The following EP400 variants were observed in gnomAD, a reference collection of about 807,000 sequenced individuals.
EP400 encodes the protein E1A binding protein p400, also known as E1A-binding protein p400.
In EP400, 105 loss-of-function variants were observed where a neutral mutation model predicts 354.1. The ratio of observed to expected loss-of-function variants is 0.30; its 90% CI spans 0.25 to 0.35. The LOEUF is 0.35. EP400 is among the 10% of genes least tolerant of loss of function. EP400 has a pLI of 1.00. For synonymous variants in EP400, 1,646 were observed against 1,716.9 expected, an observed-to-expected ratio of 0.96 and a Z score of 1.02; for missense variants, 3,280 against 4,121.0, an observed-to-expected ratio of 0.80 and a Z score of 5.59.
rs986497163 is a variant in EP400 at position 132,025,475 on chromosome 12, C to T, written c.4856-171C>T. Among the ~76,000 whole-genome samples, 2 of 152,176 alleles carry T rather than the reference C, an allele frequency of 1.3e-5. No individual in the cohort carries two copies. Among genetic ancestry groups the T allele is most frequent in the Admixed American group, 1.3e-4 (2 of 15,278 alleles). On this transcript the variant is annotated intron_variant, in intron 24 of 52. Transcript: ENST00000389561. This position sits in a 1 kb window ranked among gnomAD's most constrained non-coding sequence, Gnocchi z 4.1. ...CTCTTAGTGTGTCGTCATCCACTGT[C>T]GGTGATGGGTTGCCACTTTCCTCAC...
chr12:132,028,722 C>T (rs149665035), intron 27 of EP400, among the ~76,000 whole-genome samples: 3 of 152,316 alleles, frequency 2.0e-5, no homozygotes, highest in African/African-American at 7.2e-5. Context: ...CCGGTGGGCA[C>T]GGTGGGCACC....
chr12:131,953,788 A>G (rs1158285156), intron 1 of EP400, among the ~76,000 whole-genome samples: 1 of 152,186 alleles, frequency 6.6e-6, no homozygotes, highest in Non-Finnish European at 1.5e-5. Context: ...ATTTATTATG[A>G]AAAATTTCAA....
rs199678738 is a variant in EP400, at chr12:132,029,815, C to T, written c.5496C>T (p.His1832=). ...MRILRQGLRE[H]AAPYFQQLRQ... ...TCTTGAGGCAGGGCCTGAGAGAGCA[C>T]GCTGCGCCGTACTTCCAGCAGCTGC... The change falls in exon 28 of 53, where the codon CAC becomes CAT. Residue 1832 remains histidine (H), a synonymous_variant. Transcript: ENST00000389561. This position sits in a 1 kb window ranked among gnomAD's most constrained non-coding sequence, Gnocchi z 4.7. 8.8e-5 allele frequency: 142 copies of T among 1,613,502 alleles called. No individual in the cohort carries two copies. Among genetic ancestry groups the T allele is most frequent in the African/African-American group, 3.2e-4 (24 of 75,070 alleles).
chr12:131,999,568 A>G (rs921427738), intron 12 of EP400, among the ~76,000 whole-genome samples: 3 of 152,060 alleles, frequency 2.0e-5, no homozygotes, highest in Non-Finnish European at 4.4e-5. Flanking sequence ...CCTCCTGAGT[A>G]GCTGGGATTA....
Position 131,990,596 on chromosome 12 carries a change from C to G in EP400, c.2551-40C>G, listed in dbSNP as rs777368516. 4.1e-6 allele frequency: 6 copies of G among 1,445,914 alleles called. No homozygotes were observed. The South Asian group carries it at 7.1e-5, about 17-fold the overall frequency. The allele number at this position is 1,445,914 out of a possible 1,614,324, so 89.6% of individuals were successfully genotyped here. A position where few individuals can be genotyped will look rare whatever the true frequency, so the allele number is the denominator to read the frequency against. On this transcript the variant is annotated intron_variant, in intron 8 of 52. Coordinates refer to ENST00000389561, the MANE Select transcript of EP400 (RefSeq NM_015409.5). The surrounding 1 kb of genome is among the most constrained non-coding windows in gnomAD (Gnocchi z 4.2). ...TATGCAGAACGTCTGTAATTCCCATCCTTAGTAATGTGCTTATTCATTTAA... is the reference window on the plus strand; with the variant it reads ...TATGCAGAACGTCTGTAATTCCCATGCTTAGTAATGTGCTTATTCATTTAA...
rs772285673 is a variant in EP400, at chr12:132,069,560, C to T, written c.8940C>T (p.Ala2980=). 8 of 1,614,108 alleles carry T rather than the reference C, an allele frequency of 5.0e-6. No homozygotes were observed. The highest frequency in any genetic ancestry group is 1.3e-5 in the African/African-American group (1 of 74,942). The change falls in exon 51 of 53, where the codon GCC becomes GCT. Residue 2980 remains alanine (A), a synonymous_variant. Coordinates refer to ENST00000389561, the MANE Select transcript of EP400 (RefSeq NM_015409.5). ...AGGTTGCCTACGCCGCGCAGCCGGC[C>T]CTTAAGACCCAGTTTCTTACCACAC... The part of the protein sequence containing the change: ...QQKVAYAAQP[A]LKTQFLTTPI...
chr12:131,950,469 C>T (rs1464026812), intron 1 of EP400, among the ~76,000 whole-genome samples: 1 of 152,136 alleles, frequency 6.6e-6, no homozygotes, highest in Non-Finnish European at 1.5e-5. Flanking sequence ...CGCTGAGATG[C>T]GGGGATGGGA....
intron 5 of EP400, 83 bp downstream of exon 5, chr12:131,982,561 C>T: frequency 6.7e-7 from 1 of 1,483,222 alleles, no homozygotes; most frequent in South Asian, 1.4e-5. Context: ...TGTCACACCA[C>T]ACTGTAATTT....
chr12:132,070,299 G>C lies in EP400; in HGVS notation c.9021+658G>C, dbSNP rs1896029810. On this transcript the variant is annotated intron_variant, in intron 51 of 52. Transcript: ENST00000389561. This position sits in a 1 kb window ranked among gnomAD's most constrained non-coding sequence, Gnocchi z 4.1. ...GGAATTGGTTTTTGGGTCTGAGATA[G>C]AAACAGGAATTCAATTTGATGTGCT... Among the ~76,000 whole-genome samples, 1 of 152,202 alleles carries C rather than the reference G, an allele frequency of 6.6e-6. No homozygotes were observed. The highest frequency in any genetic ancestry group is 2.1e-4 in the South Asian group (1 of 4,830).
chr12:132,036,742 T>A (rs1296524139), intron 30 of EP400, among the ~76,000 whole-genome samples: 1 of 152,254 alleles, frequency 6.6e-6, no homozygotes, highest in Non-Finnish European at 1.5e-5. Context: ...TCAAATAATT[T>A]ATGATGAGCA....
intron 45 of EP400, 130 bp from the exon 46 acceptor site, chr12:132,061,980 C>T: frequency 1.4e-6 from 1 of 724,956 alleles, no homozygotes; most frequent in Admixed American, 2.5e-5. Context: ...TTTCAAAAGA[C>T]TGAACTCTAG....
Position 132,054,971 on chromosome 12 carries a change from T to C in EP400, c.7729-3T>C. On this transcript the variant is annotated splice_region_variant and splice_polypyrimidine_tract_variant and intron_variant, in intron 43 of 52. Transcript: ENST00000389561. The surrounding 1 kb of genome is among the most constrained non-coding windows in gnomAD (Gnocchi z 4.0). ...TTCAAATGGATTTTTTTTTTTTAAA[T>C]AGGCAGGAACCATTAAAACATCAGT... The C allele has an allele frequency of 6.2e-7, 1 of 1,613,276 alleles. No homozygotes were observed. The highest frequency in any genetic ancestry group is 8.5e-7 in the Non-Finnish European group (1 of 1,179,620).
Position 132,013,047 on chromosome 12 carries a change from G to A in EP400, c.3480G>A (p.Thr1160=), listed in dbSNP as rs542714351. 6 of 1,613,880 alleles carry A rather than the reference G, an allele frequency of 3.7e-6. No homozygotes were observed. The highest frequency in any genetic ancestry group is 1.3e-5 in the African/African-American group (1 of 75,036). Residue 1160 remains threonine (T), a synonymous_variant, in exon 17 of 53, where the codon ACG becomes ACA. Coordinates refer to ENST00000389561, the MANE Select transcript of EP400 (RefSeq NM_015409.5). The surrounding 1 kb of genome is among the most constrained non-coding windows in gnomAD (Gnocchi z 4.5). ...AEPNSFHVCI[T]SYTQFFRGLT... is the part of the protein sequence containing the mutation. ...CCAACAGCTTCCACGTCTGCATCACGTCCTACACTCAGTTCTTCCGGGGCC... is the reference window on the plus strand; with the variant it reads ...CCAACAGCTTCCACGTCTGCATCACATCCTACACTCAGTTCTTCCGGGGCC...
chr12:132,001,506 G>A (rs1893413488), intron 12 of EP400, among the ~76,000 whole-genome samples: 1 of 152,218 alleles, frequency 6.6e-6, no homozygotes, highest in African/African-American at 2.4e-5. Flanking sequence ...GCATCACAGG[G>A]AGACGGTTAG....
intron 1 of EP400, among the ~76,000 whole-genome samples, chr12:131,954,754 G>A (rs1028913850): frequency 2.7e-5 from 4 of 147,324 alleles, no homozygotes; most frequent in Non-Finnish European, 4.5e-5. Context: ...AAAAATGGGC[G>A]TGGTGGTGTG....
rs1162667748 is a variant in EP400, at chr12:132,038,195, C to T, written c.6207+99C>T. 6 of 1,488,374 alleles carry T rather than the reference C, an allele frequency of 4.0e-6. No individual in the cohort carries two copies. The highest frequency in any genetic ancestry group is 1.3e-5 in the South Asian group (1 of 79,050). 92.2% of individuals were successfully genotyped at this position (1,488,374 alleles called of 1,614,324 possible). A position where few individuals can be genotyped will look rare whatever the true frequency, so the allele number is the denominator to read the frequency against. ...TTCTGGGTGCTCAGTCCCCACTCTT[C>T]CCTGGCCTGAAGCCCTCTTCCCGTC... On this transcript the variant is annotated intron_variant, in intron 32 of 52. Coordinates refer to ENST00000389561, the MANE Select transcript of EP400 (RefSeq NM_015409.5). The surrounding 1 kb of genome is among the most constrained non-coding windows in gnomAD (Gnocchi z 4.2).
At chr12:132,047,876 G>A (rs556610338) in intron 39 of EP400, among the ~76,000 whole-genome samples, 8 of 148,908 alleles carry the variant, frequency 5.4e-5, no homozygotes, top group South Asian at 2.1e-4. Context: ...CCCCCAAAGC[G>A]GCCATTTCAG....
intron 12 of EP400, among the ~76,000 whole-genome samples, chr12:131,999,902 T>G (rs781655408): frequency 6.6e-6 from 1 of 152,274 alleles, no homozygotes; most frequent in African/African-American, 2.4e-5. Flanking sequence ...TGTGTTTGTA[T>G]GTATGTCCCT....
intron 44 of EP400, 36 bp downstream of exon 44, chr12:132,055,055 C>T: frequency 1.9e-6 from 3 of 1,613,878 alleles, no homozygotes; most frequent in Non-Finnish European, 1.7e-6. Flanking sequence ...ATGTGGACCC[C>T]ATTTCTCCTG....
Sources: allele counts gnomAD v4.1 joint callset (sites outside exome capture counted in the v4.1 genomes callset), GRCh38; gene constraint gnomAD v4.1.1; non-coding constraint Gnocchi (gnomAD v3.1); transcripts MANE v1.5; gene names NCBI Gene and HGNC (gene_info 2026-07-23, HGNC 2026-07-21).